KRT18: variants seen among roughly 807,000 people sequenced by gnomAD.
KRT18 encodes the protein keratin 18, also known as keratin, type I cytoskeletal 18.
A neutral mutation model predicts 39.9 loss-of-function variants in KRT18; 8 were observed. The observed-to-expected ratio is 0.20, with a 90% CI of 0.12 to 0.36. The LOEUF (loss-of-function observed/expected upper bound fraction) is 0.36. Ranked by LOEUF, KRT18 falls within the 10% of genes least tolerant of loss-of-function variation. The pLI, the probability that KRT18 is intolerant of heterozygous loss-of-function variation, is 1.00. For synonymous variants in KRT18, 194 were observed against 227.8 expected, an observed-to-expected ratio of 0.85 and a Z score of 1.33; for missense variants, 396 against 565.7, an observed-to-expected ratio of 0.70 and a Z score of 3.04.
chr12:52,951,675 G>C (rs1565739014), intron 4 of KRT18, 30 bp downstream of exon 4: 1 of 1,613,324 alleles, frequency 6.2e-7, no homozygotes. Context: ...GGCTGCCAAG[G>C]TGTGGGAGGG....
intron 3 of KRT18, 97 bp from the exon 4 acceptor site, chr12:52,951,384 C>T: frequency 3.2e-6 from 4 of 1,266,146 alleles, no homozygotes; most frequent in Non-Finnish European, 3.5e-6. Context: ...TGTCTCTTCT[C>T]CAACTGTAGG....
Position 52,951,857 on chromosome 12 carries a change from G to T in KRT18, c.948+1G>T, listed in dbSNP as rs776543722. Reference sequence around the variant, plus strand: ...CGACCTGGACTCCATGAGAAATCTGGTGAGTGCCTTCACATCACCTGCCCA... The same window carrying T: ...CGACCTGGACTCCATGAGAAATCTGTTGAGTGCCTTCACATCACCTGCCCA... On this transcript the variant is annotated splice_donor_variant, in intron 5 of 6. Coordinates refer to ENST00000388835, the MANE Select transcript of KRT18 (RefSeq NM_000224.3). LOFTEE classifies it high-confidence loss of function. 6.2e-7 allele frequency: 1 copy of T among 1,605,122 alleles called. No homozygotes were observed. The highest frequency in any genetic ancestry group is 8.5e-7 in the Non-Finnish European group (1 of 1,179,978).
chr12:52,950,513 T>C, intron 2 of KRT18, 103 bp downstream of exon 2: 1 of 891,894 alleles, frequency 1.1e-6, no homozygotes, highest in East Asian at 2.4e-5. Flanking sequence ...TCCTGTTAGG[T>C]GTGGGTGGAT....
chr12:52,949,443 C>T lies in KRT18; in HGVS notation c.270C>T (p.Arg90=), dbSNP rs1218729382. The T allele has an allele frequency of 6.2e-7, 1 of 1,613,194 alleles. No individual in the cohort carries two copies. Among genetic ancestry groups the T allele is most frequent in the South Asian group, 1.1e-5 (1 of 91,076 alleles). Residue 90 remains arginine (R), a synonymous_variant, in exon 1 of 7, where the codon CGC becomes CGT. Coordinates refer to ENST00000388835, the MANE Select transcript of KRT18 (RefSeq NM_000224.3). The part of the protein sequence containing the change: ...EKETMQSLND[R]LASYLDRVRS... ...AGACCATGCAAAGCCTGAACGACCGCCTGGCCTCTTACCTGGACAGAGTGA... is the reference window on the plus strand; with the variant it reads ...AGACCATGCAAAGCCTGAACGACCGTCTGGCCTCTTACCTGGACAGAGTGA...
rs1259977568 is a variant in KRT18, at chr12:52,952,151, G to A, written c.981G>A (p.Val327=). ...KASLENSLRE[V]EARYALQMEQ... The stretch of plus-strand genomic sequence containing the variant: ...GCTTGGAGAACAGCCTGAGGGAGGT[G>A]GAGGCCCGCTACGCCCTACAGATGG... The change falls in exon 6 of 7, where the codon GTG becomes GTA. Residue 327 remains valine, a synonymous_variant. Transcript: ENST00000388835. 2.5e-6 allele frequency: 4 copies of A among 1,569,350 alleles called. No individual in the cohort carries two copies. In the South Asian group the frequency reaches 4.7e-5, roughly 18 times the overall value.
At chr12:52,951,983 T>C (rs1942498629) in intron 5 of KRT18, 127 bp downstream of exon 5, 1 of 1,371,454 alleles carries the variant, frequency 7.3e-7, no homozygotes, top group African/African-American at 1.4e-5. Context: ...GTTTCCTCTT[T>C]GCATTTCCCT....
chr12:52,949,113 C>T, upstream of KRT18: 3 of 1,362,432 alleles, frequency 2.2e-6, no homozygotes, highest in Non-Finnish European at 3.0e-6. Context: ...GCGCGGCTCG[C>T]GCAGGCCGCC....
chr12:52,952,507 AG>A (rs2120781113), intron 6 of KRT18, 165 bp downstream of exon 6: 1 of 747,980 alleles, frequency 1.3e-6, no homozygotes, highest in Admixed American at 2.1e-5. Flanking sequence ...ACAGTTACAG[AG>A]GTCTCCCCCT....
In KRT18 at chr12:52,950,834, A is replaced by G. The variant is rs115544685; in HGVS notation, c.585A>G (p.Thr195=). The change falls in exon 3 of 7, where the codon ACA becomes ACG. Residue 195 remains threonine, a synonymous_variant. Transcript: ENST00000388835. Reference sequence around the variant, plus strand: ...AGGTCATTGATGACACCAATATCACACGACTGCAGCTGGAGACAGAGATCG... The same window carrying G: ...AGGTCATTGATGACACCAATATCACGCGACTGCAGCTGGAGACAGAGATCG... The part of the protein sequence containing the change: ...LRKVIDDTNI[T]RLQLETEIEA... The G allele has an allele frequency of 5.8e-5, 93 of 1,609,302 alleles. No individual in the cohort carries two copies. In the East Asian group the frequency reaches 2.1e-3, roughly 36 times the overall value.
intron 5 of KRT18, 83 bp from the exon 6 acceptor site, chr12:52,952,035 GC>G: frequency 6.8e-6 from 9 of 1,323,490 alleles, no homozygotes; most frequent in Non-Finnish European, 9.6e-6. Context: ...CATAGCAGGT[GC>G]CCAAAAAAGT....
chr12:52,949,825 A>G, intron 1 of KRT18: 1 of 704,802 alleles, frequency 1.4e-6, no homozygotes. Context: ...AGAGCTTTAC[A>G]GAGGAAGTGG....
intron 5 of KRT18, 53 bp downstream of exon 5, chr12:52,951,909 C>G (rs1942497360): frequency 6.2e-7 from 1 of 1,601,312 alleles, no homozygotes; most frequent in African/African-American, 1.3e-5. Flanking sequence ...GCCTCAGACC[C>G]AACCCTGTCT....
intron 1 of KRT18, 99 bp from the exon 2 acceptor site, chr12:52,950,229 A>T: frequency 1.2e-6 from 1 of 857,508 alleles, no homozygotes; most frequent in Non-Finnish European, 2.0e-6. Context: ...TCCTGGGACC[A>T]GGAAGTTTTC....
chr12:52,949,057 G>C (rs1942406410), upstream of KRT18: 1 of 1,000,574 alleles, frequency 1.0e-6, no homozygotes, highest in East Asian at 2.5e-5. Flanking sequence ...TTCCGAAGCG[G>C]CTCCGGGGCG....
chr12:52,950,504 C>CCACCACA, intron 2 of KRT18, 94 bp downstream of exon 2: 1 of 938,860 alleles, frequency 1.1e-6, no homozygotes. Flanking sequence ...ACAGTGGGAT[C>CCACCACA]CTGTTAGGTG....
rs949541553 is a variant in KRT18 at position 52,949,941 on chromosome 12, A to G, written c.417+351A>G. On this transcript the variant is annotated intron_variant, in intron 1 of 6. Coordinates refer to ENST00000388835, the MANE Select transcript of KRT18 (RefSeq NM_000224.3). Reference sequence around the variant, plus strand: ...AAGCGGATGTGGCTAAGGCTGAGTCATCTAGGAGTAAACAAGAGGCCTTCC... The same window carrying G: ...AAGCGGATGTGGCTAAGGCTGAGTCGTCTAGGAGTAAACAAGAGGCCTTCC... The G allele has an allele frequency of 1.9e-5, 12 of 625,058 alleles. No homozygotes were observed. The African/African-American group carries it at 2.0e-4, about 10-fold the overall frequency. 38.7% of individuals were successfully genotyped at this position (625,058 alleles called of 1,614,324 possible).
intron 1 of KRT18, 189 bp from the exon 2 acceptor site, chr12:52,950,139 G>A: frequency 1.4e-6 from 1 of 713,102 alleles, no homozygotes. Flanking sequence ...AGAGTGCTGG[G>A]ATCTGGGAAT....
rs761354945 is a variant in KRT18, at chr12:52,952,274, C to T, written c.1104C>T (p.Asn368=). The part of the protein sequence containing the change: ...RQAQEYEALL[N]IKVKLEAEIA... The stretch of plus-strand genomic sequence containing the variant: ...CCCAGGAGTATGAGGCCCTGCTGAA[C>T]ATCAAGGTCAAGCTGGAGGCTGAGA... The change falls in exon 6 of 7, where the codon AAC becomes AAT. Residue 368 remains asparagine (N), a synonymous_variant. Coordinates refer to ENST00000388835, the MANE Select transcript of KRT18 (RefSeq NM_000224.3). The T allele has an allele frequency of 6.2e-7, 1 of 1,608,644 alleles. No homozygotes were observed. Among genetic ancestry groups the T allele is most frequent in the Non-Finnish European group, 8.5e-7 (1 of 1,178,444 alleles).
intron 1 of KRT18, 129 bp from the exon 2 acceptor site, chr12:52,950,199 C>A: frequency 1.3e-6 from 1 of 777,838 alleles, no homozygotes; most frequent in Non-Finnish European, 2.4e-6. Context: ...GATAGGTGTC[C>A]AGGGAGAGCC....
Sources: gnomAD v4.1 joint callset for allele counts on GRCh38, gnomAD v4.1.1 for gene constraint, MANE v1.5 for transcripts, NCBI Gene and HGNC (gene_info 2026-07-23, HGNC 2026-07-21) for gene names.